The following USP20 variants were observed in gnomAD, a reference collection of about 807,000 sequenced individuals.
The protein encoded by USP20 is ubiquitin specific peptidase 20.
Under a neutral mutation model 124.2 loss-of-function variants are expected in USP20, and 80 were observed. That is an observed-to-expected ratio of 0.64 (90% confidence interval 0.54 to 0.78). USP20 has a LOEUF of 0.78. USP20 is among the 30% of genes least tolerant of loss of function. The pLI is 0.00. For synonymous variants in USP20, 481 were observed against 512.3 expected (o/e 0.94, Z 0.83); for missense variants, 1,043 against 1,244.4 (o/e 0.84, Z 2.44).
chr9:129,871,677 T>G (rs10739761), intron 15 of USP20, among the ~76,000 whole-genome samples: 129,777 of 152,214 alleles, frequency 0.85, 56,190 homozygotes, highest in East Asian at 1. Flanking sequence ...GTCAACCTCA[T>G]GGGTATGAGG....
intron 20 of USP20, 38 bp downstream of exon 20, chr9:129,875,517 G>A (rs760668002): frequency 1.9e-5 from 31 of 1,613,258 alleles, no homozygotes; most frequent in South Asian, 1.5e-4. Flanking sequence ...AGGGTGGGCA[G>A]CTGGGCCGAG....
At chr9:129,863,350 C>T in intron 9 of USP20, 51 bp downstream of exon 9, 1 of 1,411,846 alleles carries the variant, frequency 7.1e-7, no homozygotes, top group Non-Finnish European at 9.7e-7. Flanking sequence ...CTGGGGTTTC[C>T]TGTCAGCACC....
chr9:129,845,112 GC>G (rs1451632037), intron 1 of USP20, among the ~76,000 whole-genome samples: 25 of 152,138 alleles, frequency 1.6e-4, no homozygotes, highest in African/African-American at 5.8e-4. Flanking sequence ...GCACTTCTTG[GC>G]CCCTGTGAGT....
rs1588260752 is a variant in USP20 at position 129,857,925 on chromosome 9, C to T, written c.136-125C>T. On this transcript the variant is annotated intron_variant, in intron 4 of 25. Coordinates refer to ENST00000372429, the MANE Select transcript of USP20 (RefSeq NM_001110303.4). ...CCGTGTTCCTTTGAGATGGCAGAGC[C>T]TCAGTCCCTTGTGGCCCCTATTCAG... 6 of 816,014 alleles carry T rather than the reference C, an allele frequency of 7.4e-6. No homozygotes were observed. The East Asian group carries it at 1.2e-4, about 17-fold the overall frequency. The allele number at this position is 816,014 out of a possible 1,614,324, so 50.5% of individuals were successfully genotyped here. A position where few individuals can be genotyped will look rare whatever the true frequency, so the allele number is the denominator to read the frequency against.
rs959886055 is a variant in USP20 at position 129,861,026 on chromosome 9, A to T, written c.420A>T (p.Lys140Asn). The change falls in exon 7 of 26, where the codon AAA (lysine) becomes AAT (asparagine). Residue 140 changes from lysine to asparagine, a missense_variant. Physicochemically the swap from Lys to Asn is moderately conservative, Grantham distance 94 (BLOSUM62 0). Transcript: ENST00000372429. ...CTGAGTCAGAGGACGATGACCTGAAACCTCGAGGTAATGGCCCCCACAGCA... is the reference window on the plus strand; with the variant it reads ...CTGAGTCAGAGGACGATGACCTGAATCCTCGAGGTAATGGCCCCCACAGCA... ...GESESEDDDL[K>N]PRGLTGMKNL... The T allele has an allele frequency of 1.2e-6, 2 of 1,613,732 alleles. No homozygotes were observed. Among genetic ancestry groups the T allele is most frequent in the Admixed American group, 3.3e-5 (2 of 59,998 alleles).
At chr9:129,842,413 C>G (rs1419126524) in intron 1 of USP20, among the ~76,000 whole-genome samples, 1 of 152,132 alleles carries the variant, frequency 6.6e-6, no homozygotes, top group Non-Finnish European at 1.5e-5. Flanking sequence ...ACTCTGTACA[C>G]TACAAGAGCA....
At chr9:129,865,514 A>C (rs1588272355) in intron 10 of USP20, 133 bp downstream of exon 10, 3 of 879,788 alleles carry the variant, frequency 3.4e-6, no homozygotes, top group Non-Finnish European at 5.5e-6. Flanking sequence ...CCAGGCTCTC[A>C]CTCCTAAGCC....
Position 129,874,744 on chromosome 9 carries a change from G to T in USP20, c.1909G>T (p.Gly637Cys). 6.2e-7 allele frequency: 1 copy of T among 1,613,798 alleles called. No individual in the cohort carries two copies. Among genetic ancestry groups the T allele is most frequent in the South Asian group, 1.1e-5 (1 of 91,082 alleles). ...YDLLSVICHHGTAGSGHYIAY... is the reference protein window; with the variant it reads ...YDLLSVICHHCTAGSGHYIAY... The stretch of plus-strand genomic sequence containing the variant: ...CCTCCTCTCGGTCATCTGCCACCAC[G>T]GCACGGCAGGCAGTGAGTCATGTCC... The change falls in exon 18 of 26, where the codon GGC (glycine) becomes TGC (cysteine). Residue 637 changes from glycine to cysteine, a missense_variant. By Grantham distance (159) the Gly-to-Cys change is radical. Coordinates refer to ENST00000372429, the MANE Select transcript of USP20 (RefSeq NM_001110303.4).
intron 1 of USP20, 163 bp from the exon 2 acceptor site, chr9:129,849,650 C>G (rs1435359789): frequency 6.6e-6 from 1 of 152,174 alleles, no homozygotes. Flanking sequence ...ATAGTCCCAG[C>G]TACTTGGGAA....
intron 17 of USP20, 119 bp downstream of exon 17, chr9:129,873,863 G>A: frequency 5.6e-6 from 7 of 1,261,018 alleles, no homozygotes; most frequent in Admixed American, 2.0e-5. Context: ...AGGGGCCGTG[G>A]AGACTCCATA....
chr9:129,873,594 C>G (rs529572444), intron 16 of USP20, 79 bp downstream of exon 16: 3 of 1,612,840 alleles, frequency 1.9e-6, no homozygotes, highest in South Asian at 2.2e-5. Flanking sequence ...CTGCAGAGAG[C>G]CCCCTATAAT....
intron 17 of USP20, 46 bp from the exon 18 acceptor site, chr9:129,874,530 C>T (rs927625647): frequency 3.6e-5 from 57 of 1,604,610 alleles, no homozygotes; most frequent in Non-Finnish European, 4.3e-5. Flanking sequence ...TGCGAGGGCC[C>T]GCATCATTTC....
In USP20 at chr9:129,869,374, C is replaced by T. The variant is rs2034002410; in HGVS notation, c.1341C>T (p.Asp447=). ...AGCGCTACCGCAGCGTCATCTCAGACATCTTTGACGGCTCCATTCTCAGCC... is the reference window on the plus strand; with the variant it reads ...AGCGCTACCGCAGCGTCATCTCAGATATCTTTGACGGCTCCATTCTCAGCC... ...KEQRYRSVIS[D]IFDGSILSLV... is the part of the protein sequence containing the mutation. The change falls in exon 13 of 26, where the codon GAC becomes GAT. Residue 447 remains aspartate (D), a synonymous_variant. Transcript: ENST00000372429. 1 of 1,613,620 alleles carries T rather than the reference C, an allele frequency of 6.2e-7. No individual in the cohort carries two copies. Among genetic ancestry groups the T allele is most frequent in the South Asian group, 1.1e-5 (1 of 91,096 alleles).
chr9:129,873,331 G>A (rs1029934429), intron 15 of USP20, 151 bp from the exon 16 acceptor site: 13 of 904,720 alleles, frequency 1.4e-5, no homozygotes, highest in South Asian at 4.5e-5. Flanking sequence ...GGATCCGCCC[G>A]CCTCGGCCTC....
intron 9 of USP20, among the ~76,000 whole-genome samples, chr9:129,864,661 C>G (rs962900357): frequency 1.3e-5 from 2 of 151,212 alleles, no homozygotes; most frequent in Non-Finnish European, 2.9e-5. Context: ...GTATTCCCAG[C>G]ACTTTGGGAG....
intron 21 of USP20, 26 bp downstream of exon 21, chr9:129,875,667 C>G (rs1331080832): frequency 3.1e-6 from 5 of 1,609,790 alleles, no homozygotes. Context: ...GCCAACTTGT[C>G]TCCGTCCTGT....
rs551714401 is a variant in USP20, at chr9:129,858,496, G to C, written c.228G>C (p.Leu76=). The change falls in exon 6 of 26, where the codon CTG becomes CTC. Residue 76 remains leucine (L), a synonymous_variant. Coordinates refer to ENST00000372429, the MANE Select transcript of USP20 (RefSeq NM_001110303.4). The part of the protein sequence containing the change: ...QAKKHNLTVN[L]TTFRLWCYAC... ...AAAAGCACAACTTGACCGTGAACCT[G>C]ACCACGTTCCGACTGTGGTGTTACG... 1.1e-4 allele frequency: 184 copies of C among 1,614,158 alleles called. 3 individuals carry two copies. The South Asian group carries it at 1.9e-3, about 17-fold the overall frequency.
chr9:129,872,219 C>T (rs768468209), intron 15 of USP20, among the ~76,000 whole-genome samples: 1 of 151,944 alleles, frequency 6.6e-6, no homozygotes, highest in Non-Finnish European at 1.5e-5. Flanking sequence ...ATGGCATGAT[C>T]TTGGCTCACT....
At chr9:129,864,697 T>C (rs1809961) in intron 9 of USP20, among the ~76,000 whole-genome samples, 131,660 of 149,922 alleles carry the variant, frequency 0.88, 58,143 homozygotes, top group East Asian at 1. Flanking sequence ...TCACTTGAAC[T>C]CGGGAGGCGG....
Sources: allele counts gnomAD v4.1 joint callset (sites outside exome capture counted in the v4.1 genomes callset), GRCh38; gene constraint gnomAD v4.1.1; transcripts MANE v1.5; gene names NCBI Gene and HGNC (gene_info 2026-07-23, HGNC 2026-07-21).